The following COBL variants were observed in gnomAD, a reference collection of about 807,000 sequenced individuals.
COBL encodes protein cordon-bleu.
In COBL, 51 loss-of-function variants were observed where a neutral mutation model predicts 98.8. That is an observed-to-expected ratio of 0.52 (90% CI 0.41 to 0.65). The LOEUF (loss-of-function observed/expected upper bound fraction) is 0.65, where lower values mean the gene tolerates loss of function less well. Among genes scored for constraint, COBL ranks in the 30% least tolerant of loss-of-function variants. The pLI, the probability that COBL is intolerant of heterozygous loss-of-function variation, is 0.00. For missense variants in COBL, 1,617 were observed against 1,617.5 expected, an observed-to-expected ratio of 1.00 and a Z score of 0.01; for synonymous variants, 634 against 651.7, an observed-to-expected ratio of 0.97 and a Z score of 0.41.
intron 1 of COBL, 133 bp from the exon 2 acceptor site, chr7:51,220,077 T>C: frequency 1.4e-6 from 1 of 728,474 alleles, no homozygotes; most frequent in South Asian, 2.0e-5. Context: ...TTAAAATCAA[T>C]GTCCCCCAAA....
At chr7:51,208,833 T>C (rs529555705) in intron 2 of COBL, among the ~76,000 whole-genome samples, 10 of 152,162 alleles carry the variant, frequency 6.6e-5, no homozygotes, top group Admixed American at 1.3e-4. Context: ...CGGTGCAAGA[T>C]GTGCTTTGTT....
At chr7:51,153,817 T>G (rs1449298519) in intron 5 of COBL, among the ~76,000 whole-genome samples, 1 of 152,312 alleles carries the variant, frequency 6.6e-6, no homozygotes, top group East Asian at 1.9e-4. Context: ...CCAATATCAG[T>G]GCTGTCACGC....
At chr7:51,281,414 A>G (rs1799808948) in intron 1 of COBL, among the ~76,000 whole-genome samples, 1 of 152,230 alleles carries the variant, frequency 6.6e-6, no homozygotes, top group African/African-American at 2.4e-5. Flanking sequence ...AAATTTCACA[A>G]AACTTCCTGA....
Position 51,026,590 on chromosome 7 carries a change from G to A in COBL, c.3460C>T (p.Leu1154=). ...CCGCTGTGCCCGCGGATAGCTGCCA[G>A]CAGTGCAGATCGTTCGCCCTCTGCC... ...TEAEGERSAL[L]AAIRGHSGTC... is the part of the protein sequence containing the mutation. The change falls in exon 11 of 13, where the codon CTG becomes TTG. Residue 1154 remains leucine (L), a synonymous_variant. Coordinates refer to ENST00000265136, the MANE Select transcript of COBL (RefSeq NM_015198.5). 3 of 1,614,182 alleles carry A rather than the reference G, an allele frequency of 1.9e-6. No individual in the cohort carries two copies. Among genetic ancestry groups the A allele is most frequent in the Non-Finnish European group, 2.5e-6 (3 of 1,180,050 alleles).
At chr7:51,277,015 A>G (rs1434257487) in intron 1 of COBL, among the ~76,000 whole-genome samples, 1 of 152,170 alleles carries the variant, frequency 6.6e-6, no homozygotes, top group Non-Finnish European at 1.5e-5. Context: ...ACAATGACAC[A>G]GCCCTCCTGT....
intron 2 of COBL, among the ~76,000 whole-genome samples, chr7:51,216,755 T>C (rs1055766795): frequency 5.9e-5 from 9 of 152,212 alleles, no homozygotes; most frequent in Middle Eastern, 3.2e-3. Flanking sequence ...ATCCTTCATG[T>C]CAGGAAATAA....
rs183398085 is a variant in COBL at position 51,191,661 on chromosome 7, T to C, written c.457-583A>G. On this transcript the variant is annotated intron_variant, in intron 3 of 12. Coordinates refer to ENST00000265136, the MANE Select transcript of COBL (RefSeq NM_015198.5). The stretch of plus-strand genomic sequence containing the variant: ...TTTATGTATACACACTACACACACG[T>C]ATTTAAGCTATAAATATATTTTAAA... Among the ~76,000 whole-genome samples the C allele has an allele frequency of 2.9e-3, 437 of 152,164 alleles. 5 individuals carry two copies. The highest frequency in any genetic ancestry group is 0.01 in the African/African-American group (421 of 41,516).
chr7:51,052,257 A>G (rs989732634), intron 7 of COBL, among the ~76,000 whole-genome samples: 2 of 152,200 alleles, frequency 1.3e-5, no homozygotes, highest in African/African-American at 4.8e-5. Context: ...CAGCTTATAA[A>G]AAGGGCAAGT....
Position 51,184,203 on chromosome 7 carries a change from G to GAA in COBL, c.686-6_686-5dup. ...AGTGATGATTTCCTAAAGGTTTCTG[G>GAA]AAAAAAAAAGCACTAAGTTATTTTT... On this transcript the variant is annotated splice_polypyrimidine_tract_variant and splice_region_variant and intron_variant, in intron 4 of 12. Coordinates refer to ENST00000265136, the MANE Select transcript of COBL (RefSeq NM_015198.5). 2.7e-6 allele frequency: 4 copies of GAA among 1,454,898 alleles called. No homozygotes were observed. The highest frequency in any genetic ancestry group is 1.4e-5 in the South Asian group (1 of 73,504). 90.1% of individuals were successfully genotyped at this position (1,454,898 alleles called of 1,614,324 possible).
Position 51,139,389 on chromosome 7 carries a change from C to T in COBL, c.784-3058G>A, listed in dbSNP as rs1272853914. Among the ~76,000 whole-genome samples the T allele has an allele frequency of 2.0e-5, 3 of 152,212 alleles. No homozygotes were observed. The East Asian group carries it at 5.8e-4, about 29-fold the overall frequency. On this transcript the variant is annotated intron_variant, in intron 5 of 12. Transcript: ENST00000265136. ...CGGAAGTGCACCCCATCCCAGTCCT[C>T]CTAGAAGTTCTGATATTGATTATCT...
intron 2 of COBL, among the ~76,000 whole-genome samples, chr7:51,200,240 C>T (rs1447174998): frequency 1.3e-5 from 2 of 152,242 alleles, no homozygotes; most frequent in South Asian, 2.1e-4. Context: ...ACCACTAGAC[C>T]TGCTAAAGTT....
intron 6 of COBL, among the ~76,000 whole-genome samples, chr7:51,087,775 C>G (rs934941876): frequency 7.6e-6 from 1 of 131,168 alleles, no homozygotes; most frequent in Non-Finnish European, 1.6e-5. Flanking sequence ...TGCCCGGCCC[C>G]GCCTTTTTTT....
At chr7:51,051,853 G>A (rs1190042285) in intron 7 of COBL, among the ~76,000 whole-genome samples, 1 of 122,654 alleles carries the variant, frequency 8.2e-6, no homozygotes, top group African/African-American at 4.5e-5. Context: ...GGCTGATGAT[G>A]CTTAGAATCA....
intron 7 of COBL, among the ~76,000 whole-genome samples, chr7:51,060,686 A>C (rs1791255767): frequency 6.6e-6 from 1 of 152,092 alleles, no homozygotes; most frequent in African/African-American, 2.4e-5. Flanking sequence ...CCACTAGCAA[A>C]ACGTTTTCCT....
chr7:51,310,619 G>A (rs1027305953), intron 1 of COBL, among the ~76,000 whole-genome samples: 3 of 152,168 alleles, frequency 2.0e-5, no homozygotes, highest in Admixed American at 6.6e-5. Context: ...CAGCCAGGAC[G>A]CGTGACTTAC....
intron 1 of COBL, among the ~76,000 whole-genome samples, chr7:51,304,740 GA>G (rs796542791): frequency 5.5e-4 from 81 of 148,598 alleles, no homozygotes; most frequent in African/African-American, 1.7e-3. Context: ...AAAATAATTG[GA>G]AAAAAAAAAT....
At chr7:51,205,064 T>C (rs750877882) in intron 2 of COBL, among the ~76,000 whole-genome samples, 1 of 152,160 alleles carries the variant, frequency 6.6e-6, no homozygotes, top group Non-Finnish European at 1.5e-5. Flanking sequence ...GAAGAATTAA[T>C]ATTGTTACAA....
At chr7:51,159,446 G>A (rs1311241822) in intron 5 of COBL, among the ~76,000 whole-genome samples, 1 of 152,228 alleles carries the variant, frequency 6.6e-6, no homozygotes, top group Non-Finnish European at 1.5e-5. Context: ...GATACCGAGG[G>A]ACAGAGAGCT....
intron 7 of COBL, chr7:51,070,912 G>C (rs1440101039): frequency 6.6e-6 from 1 of 152,228 alleles, no homozygotes; most frequent in Non-Finnish European, 1.5e-5. Context: ...GGTAAAGTGA[G>C]ATGGCAAACA....
Sources: gnomAD v4.1 joint callset for allele counts (sites outside exome capture counted in the v4.1 genomes callset) on GRCh38, gnomAD v4.1.1 for gene constraint, MANE v1.5 for transcripts, NCBI Gene and HGNC (gene_info 2026-07-23, HGNC 2026-07-21) for gene names.